The following STPG1 variants were observed in gnomAD, a reference collection of about 807,000 sequenced individuals.
STPG1 encodes the protein sperm tail PG-rich repeat containing 1.
In STPG1, 33 loss-of-function variants were observed where a neutral mutation model predicts 40.1. That is an observed-to-expected ratio of 0.82 (90% CI 0.62 to 1.10). STPG1 has a LOEUF of 1.10. Among genes scored for constraint, STPG1 ranks in the 50% least tolerant of loss-of-function variants. The probability of loss-of-function intolerance (pLI) is 0.00; values close to 1 mark genes in which losing one functional copy is unlikely to be tolerated. For synonymous variants in STPG1, 150 were observed against 155.0 expected (o/e 0.97, Z 0.24); for missense variants, 396 against 415.1 (o/e 0.95, Z 0.40).
In STPG1 at chr1:24,369,813, C is replaced by G. The variant is rs1332652301; in HGVS notation, c.598G>C (p.Val200Leu). ...PGHYDINESL[V>L]KQSPNTLMSC... is the part of the protein sequence containing the mutation. ...ATTAATGTATTTGGCGACTGCTTCACAAGGGATTCGTTGATATCATAATGC... is the reference window on the plus strand; with the variant it reads ...ATTAATGTATTTGGCGACTGCTTCAGAAGGGATTCGTTGATATCATAATGC... Residue 200 changes from valine (V) to leucine (L), a missense_variant, in exon 7 of 9, where the codon GTG (valine) becomes CTG (leucine). Coordinates refer to ENST00000337248, the MANE Select transcript of STPG1 (RefSeq NM_001199013.2). 1.2e-6 allele frequency: 2 copies of G among 1,609,828 alleles called. No individual in the cohort carries two copies. The highest frequency in any genetic ancestry group is 1.3e-5 in the African/African-American group (1 of 74,768).
chr1:24,413,260 G>A (rs1473542488), intron 1 of STPG1, among the ~76,000 whole-genome samples: 16 of 152,232 alleles, frequency 1.1e-4, no homozygotes, highest in Admixed American at 8.5e-4. Flanking sequence ...GCCCAGAGCA[G>A]GGAAGTCGTT....
intron 3 of STPG1, among the ~76,000 whole-genome samples, chr1:24,388,307 T>C (rs1325452670): frequency 1.3e-5 from 2 of 152,060 alleles, no homozygotes; most frequent in African/African-American, 2.4e-5. Flanking sequence ...GGGTAGAAAA[T>C]GGCCGGCAGG....
chr1:24,358,174 A>G lies in STPG1; in HGVS notation c.*369T>C. Reference sequence around the variant, plus strand: ...GGGGCTTCCAGGCTTGGCCACCTTCAGGGTGGACTGATCCTCCTTGAAGTC... The same window carrying G: ...GGGGCTTCCAGGCTTGGCCACCTTCGGGGTGGACTGATCCTCCTTGAAGTC... On this transcript the variant is annotated 3_prime_UTR_variant, in exon 9 of 9. Coordinates refer to ENST00000337248, the MANE Select transcript of STPG1 (RefSeq NM_001199013.2). 2.0e-6 allele frequency: 1 copy of G among 504,634 alleles called. No individual in the cohort carries two copies. Among genetic ancestry groups the G allele is most frequent in the Non-Finnish European group, 3.9e-6 (1 of 258,802 alleles). 31.3% of individuals were successfully genotyped at this position (504,634 alleles called of 1,614,324 possible).
intron 2 of STPG1, among the ~76,000 whole-genome samples, chr1:24,396,647 G>A (rs1274904420): frequency 6.6e-6 from 1 of 152,164 alleles, no homozygotes; most frequent in East Asian, 1.9e-4. Context: ...GGTCCAAGGA[G>A]CAAAGTTTGC....
intron 1 of STPG1, among the ~76,000 whole-genome samples, chr1:24,402,533 G>A (rs970327727): frequency 1.3e-5 from 2 of 152,008 alleles, no homozygotes; most frequent in East Asian, 1.9e-4. Context: ...AGGCTGAAGC[G>A]GGAGGATTGC....
intron 7 of STPG1, among the ~76,000 whole-genome samples, chr1:24,362,177 G>A (rs900304085): frequency 1.3e-5 from 2 of 152,204 alleles, no homozygotes; most frequent in African/African-American, 4.8e-5. Flanking sequence ...GGCCACTGGG[G>A]CACTACTGCA....
chr1:24,407,477 T>G (rs1643459699), intron 1 of STPG1, among the ~76,000 whole-genome samples: 1 of 150,418 alleles, frequency 6.6e-6, no homozygotes, highest in African/African-American at 2.5e-5. Flanking sequence ...AGTCCCGCTC[T>G]GTCACCCAGG....
At chr1:24,402,938 T>C (rs918249453) in intron 1 of STPG1, among the ~76,000 whole-genome samples, 2 of 152,202 alleles carry the variant, frequency 1.3e-5, no homozygotes, top group African/African-American at 4.8e-5. Context: ...ATCTTATGAA[T>C]GCAAATTTTT....
At chr1:24,367,293 C>A (rs1055591042) in intron 7 of STPG1, among the ~76,000 whole-genome samples, 3 of 152,200 alleles carry the variant, frequency 2.0e-5, no homozygotes, top group Admixed American at 6.5e-5. Flanking sequence ...CGATCTCAAA[C>A]CACCTGTTCA....
chr1:24,362,858 G>T (rs560505912), intron 7 of STPG1, among the ~76,000 whole-genome samples: 100 of 152,300 alleles, frequency 6.6e-4, no homozygotes, highest in African/African-American at 2.4e-3. Context: ...AGGGAAAGGG[G>T]GGACATGCTG....
chr1:24,357,384 G>C lies in STPG1; in HGVS notation c.*1159C>G, dbSNP rs1640792930. ...CTCCCCTCCCAGAGCCAGTTAGGAA[G>C]CTGGAAGGTGGCGCTTCTCAACCTA... On this transcript the variant is annotated 3_prime_UTR_variant, in exon 9 of 9. Transcript: ENST00000337248. 6.6e-6 allele frequency: 1 copy of C among 152,406 alleles called. No individual in the cohort carries two copies. Among genetic ancestry groups the C allele is most frequent in the African/African-American group, 2.4e-5 (1 of 41,442 alleles). 9.4% of individuals were successfully genotyped at this position (152,406 alleles called of 1,614,324 possible).
rs1477716515 is a variant in STPG1 at position 24,369,665 on chromosome 1, G to A, written c.737+9C>T. 2 of 1,582,486 alleles carry A rather than the reference G, an allele frequency of 1.3e-6. No individual in the cohort carries two copies. The highest frequency in any genetic ancestry group is 2.7e-5 in the African/African-American group (2 of 73,500). Reference sequence around the variant, plus strand: ...TTTCAAAAGAAAGACCAGAATGATTGGGACTCACGGGAAAAGAGTCTTTTT... The same window carrying A: ...TTTCAAAAGAAAGACCAGAATGATTAGGACTCACGGGAAAAGAGTCTTTTT... On this transcript the variant is annotated intron_variant, in intron 7 of 8. Coordinates refer to ENST00000337248, the MANE Select transcript of STPG1 (RefSeq NM_001199013.2).
In STPG1 at chr1:24,364,202, A is replaced by T. The variant is rs1050497646; in HGVS notation, c.738-3161T>A. 4.0e-5 allele frequency: 62 copies of T among 1,535,310 alleles called. No individual in the cohort carries two copies. In the East Asian group the frequency reaches 9.0e-4, roughly 22 times the overall value. The stretch of plus-strand genomic sequence containing the variant: ...TCTTCCAGGGAAACTTCTCTCCTCC[A>T]CCCACGCCTGTCTCGCCACCCCCCA... On this transcript the variant is annotated intron_variant, in intron 7 of 8. Transcript: ENST00000337248.
In STPG1 at chr1:24,373,762, C is replaced by A. The variant is rs770445919; in HGVS notation, c.511G>T (p.Gly171Trp). 20 of 1,612,688 alleles carry A rather than the reference C, an allele frequency of 1.2e-5. No individual in the cohort carries two copies. The highest frequency in any genetic ancestry group is 1.7e-5 in the Non-Finnish European group (20 of 1,178,866). The change falls in exon 6 of 9, where the codon GGG (glycine) becomes TGG (tryptophan). Residue 171 changes from glycine to tryptophan, a missense_variant. Physicochemically the swap from Gly to Trp is radical, Grantham distance 184 (BLOSUM62 -2). Coordinates refer to ENST00000337248, the MANE Select transcript of STPG1 (RefSeq NM_001199013.2). Reference sequence around the variant, plus strand: ...CCTCTTTGGGTTTTTGACATAAACCCGGCTCGAGTACAGACGTTGTTTCTC... The same window carrying A: ...CCTCTTTGGGTTTTTGACATAAACCAGGCTCGAGTACAGACGTTGTTTCTC... ...KQRNNVCTRA[G>W]FMSKTQRGSF...
At chr1:24,389,577 G>A (rs2148703894) in intron 3 of STPG1, among the ~76,000 whole-genome samples, 1 of 152,252 alleles carries the variant, frequency 6.6e-6, no homozygotes, top group African/African-American at 2.4e-5. Flanking sequence ...TTCCTCTTCT[G>A]TTAAATTAAA....
intron 2 of STPG1, 128 bp from the exon 3 acceptor site, chr1:24,391,807 G>A: frequency 8.2e-7 from 1 of 1,225,416 alleles, no homozygotes; most frequent in Non-Finnish European, 1.1e-6. Flanking sequence ...CTTTTGACAG[G>A]AAACAGACAC....
intron 7 of STPG1, chr1:24,369,041 G>A (rs1001453185): frequency 5.9e-5 from 11 of 187,900 alleles, no homozygotes; most frequent in Admixed American, 1.1e-4. Flanking sequence ...AAAATCCTAC[G>A]AGGCAGGAAT....
chr1:24,369,627 C>T (rs1641636611), intron 7 of STPG1, 47 bp downstream of exon 7: 9 of 1,546,476 alleles, frequency 5.8e-6, no homozygotes, highest in Non-Finnish European at 7.9e-6. Context: ...TGGGCTTCTT[C>T]CCCACAACCA....
At position 24,357,890 on chromosome 1, in the gene STPG1, C is replaced by G. The variant is rs114389997; in HGVS notation, c.*653G>C. The G allele has an allele frequency of 6.2e-6, 2 of 320,840 alleles. No individual in the cohort carries two copies. The highest frequency in any genetic ancestry group is 8.5e-5 in the Admixed American group (2 of 23,666). 19.9% of individuals were successfully genotyped at this position (320,840 alleles called of 1,614,324 possible). A position where few individuals can be genotyped will look rare whatever the true frequency, so the allele number is the denominator to read the frequency against. ...CAGGGAAAAGCGCAGCCCCCGGGCC[C>G]GGCCACTGCCATTCCAAGATGATCT... is the stretch of plus-strand genomic sequence containing the variant. On this transcript the variant is annotated 3_prime_UTR_variant, in exon 9 of 9. Transcript: ENST00000337248.
Sources: gnomAD v4.1 joint callset for allele counts (sites outside exome capture counted in the v4.1 genomes callset) on GRCh38, gnomAD v4.1.1 for gene constraint, MANE v1.5 for transcripts, NCBI Gene and HGNC (gene_info 2026-07-23, HGNC 2026-07-21) for gene names.